The following TNNI3K variants were observed in gnomAD, a reference collection of about 807,000 sequenced individuals.
TNNI3K encodes the protein TNNI3 interacting kinase.
Under a neutral mutation model 114.5 loss-of-function variants are expected in TNNI3K, and 140 were observed. The observed-to-expected ratio is 1.22, with a 90% CI of 1.07 to 1.41. The LOEUF (loss-of-function observed/expected upper bound fraction) is 1.41. Among genes scored for constraint, TNNI3K ranks in the 40% most tolerant of loss-of-function variants. TNNI3K has a pLI of 0.00. For missense variants in TNNI3K, 1,125 were observed against 1,007.6 expected (o/e 1.12, Z -1.58); for synonymous variants, 347 against 347.5 (o/e 1.00, Z 0.02).
At chr1:74,465,697 A>G (rs749249656) in intron 21 of TNNI3K, among the ~76,000 whole-genome samples, 36 of 152,218 alleles carry the variant, frequency 2.4e-4, no homozygotes, top group Non-Finnish European at 3.7e-4. Context: ...CCAGGTATCC[A>G]CTAGGCAAAG....
chr1:74,273,577 C>A (rs937207123), intron 5 of TNNI3K, among the ~76,000 whole-genome samples: 10 of 151,860 alleles, frequency 6.6e-5, no homozygotes, highest in Non-Finnish European at 1.2e-4. Context: ...GCTTCTAAAG[C>A]AAAGTGGTTA....
In TNNI3K at chr1:74,335,850, TG is replaced by T. The variant is rs140326891; in HGVS notation, c.544-160del. On this transcript the variant is annotated intron_variant, in intron 6 of 24. Transcript: ENST00000326637. ...GAAAGAACTTGAGTTATTAAGCTGT[TG>T]TATTAATCAACCCTAGAATTGTTCC... is the stretch of plus-strand genomic sequence containing the variant. Among the ~76,000 whole-genome samples the T allele has an allele frequency of 6.3e-3, 958 of 152,300 alleles. 11 individuals are homozygous for T. The highest frequency in any genetic ancestry group is 0.022 in the African/African-American group (917 of 41,566).
chr1:74,237,105 T>A (rs1653902687), intron 2 of TNNI3K, among the ~76,000 whole-genome samples: 3 of 151,908 alleles, frequency 2.0e-5, no homozygotes, highest in Admixed American at 2.0e-4. Flanking sequence ...GCAAATAAAA[T>A]CACCCATGTA....
intron 21 of TNNI3K, among the ~76,000 whole-genome samples, chr1:74,483,941 T>C (rs1011861255): frequency 1.3e-5 from 2 of 152,200 alleles, no homozygotes; most frequent in African/African-American, 4.8e-5. Context: ...AAGCTCTACT[T>C]AGCTTTGAAT....
At chr1:74,518,697 A>G (rs1646384001) in intron 23 of TNNI3K, among the ~76,000 whole-genome samples, 1 of 152,072 alleles carries the variant, frequency 6.6e-6, no homozygotes, top group Non-Finnish European at 1.5e-5. Context: ...TTTAAGCTCA[A>G]AATTATTATA....
intron 9 of TNNI3K, among the ~76,000 whole-genome samples, chr1:74,348,673 C>T (rs4546877): frequency 1 from 151,659 of 152,288 alleles, 75,520 homozygotes; most frequent in Middle Eastern, 1. Flanking sequence ...TTTTATTTTA[C>T]TGAGCAGTGG....
intron 22 of TNNI3K, among the ~76,000 whole-genome samples, chr1:74,491,797 T>C (rs982867046): frequency 6.6e-6 from 1 of 152,224 alleles, no homozygotes; most frequent in Non-Finnish European, 1.5e-5. Context: ...CTTTTGATCA[T>C]TGAATAATAA....
At chr1:74,466,932 T>C (rs1021673946) in intron 21 of TNNI3K, among the ~76,000 whole-genome samples, 1 of 152,166 alleles carries the variant, frequency 6.6e-6, no homozygotes, top group African/African-American at 2.4e-5. Flanking sequence ...ATTGATTGAA[T>C]AAACATTTTA....
intron 5 of TNNI3K, among the ~76,000 whole-genome samples, chr1:74,314,847 T>A (rs916624543): frequency 2.6e-5 from 4 of 152,192 alleles, no homozygotes; most frequent in Admixed American, 2.6e-4. Flanking sequence ...AACTATAGTT[T>A]ACATTTTGCT....
chr1:74,461,641 C>T lies in TNNI3K; in HGVS notation c.2012-1800C>T, dbSNP rs1445171527. 3.3e-5 allele frequency among the ~76,000 whole-genome samples: 5 copies of T among 152,068 alleles called. No homozygotes were observed. In the South Asian group the frequency reaches 6.2e-4, roughly 19 times the overall value. On this transcript the variant is annotated intron_variant, in intron 20 of 24. Transcript: ENST00000326637. ...CTATATTTACCTCTGAAATTAGTAACATGTTTTATAAAATGAGAAAACCTA... is the reference window on the plus strand; with the variant it reads ...CTATATTTACCTCTGAAATTAGTAATATGTTTTATAAAATGAGAAAACCTA...
chr1:74,430,234 A>G (rs973898576), intron 17 of TNNI3K, among the ~76,000 whole-genome samples: 3 of 152,074 alleles, frequency 2.0e-5, no homozygotes, highest in African/African-American at 4.8e-5. Flanking sequence ...ACTACAGTGC[A>G]TAACCAACTG....
At chr1:74,307,431 G>C (rs1658710849) in intron 5 of TNNI3K, among the ~76,000 whole-genome samples, 1 of 152,128 alleles carries the variant, frequency 6.6e-6, no homozygotes, top group Admixed American at 6.5e-5. Flanking sequence ...AAAGTAACAG[G>C]ATGGAGAAAG....
chr1:74,251,226 A>G (rs1654906952), intron 4 of TNNI3K, among the ~76,000 whole-genome samples: 1 of 152,076 alleles, frequency 6.6e-6, no homozygotes, highest in Non-Finnish European at 1.5e-5. Context: ...TTAGCTGTTT[A>G]TTTTCTTATA....
intron 23 of TNNI3K, among the ~76,000 whole-genome samples, chr1:74,508,101 A>G (rs1182061922): frequency 6.6e-6 from 1 of 152,246 alleles, no homozygotes; most frequent in African/African-American, 2.4e-5. Flanking sequence ...CATTACTAAG[A>G]AAAAGGAGAG....
intron 5 of TNNI3K, among the ~76,000 whole-genome samples, chr1:74,313,127 CTT>C (rs1378224295): frequency 2.0e-5 from 3 of 152,180 alleles, no homozygotes; most frequent in Non-Finnish European, 4.4e-5. Flanking sequence ...TCCTTTACCT[CTT>C]TCCTGGATAG....
intron 5 of TNNI3K, among the ~76,000 whole-genome samples, chr1:74,327,037 C>T (rs939543587): frequency 1.2e-4 from 18 of 149,088 alleles, no homozygotes; most frequent in African/African-American, 3.0e-4. Context: ...GCCGAGATTG[C>T]GCCACTGCAC....
chr1:74,442,815 C>G (rs1424764628), intron 20 of TNNI3K, among the ~76,000 whole-genome samples: 1 of 151,940 alleles, frequency 6.6e-6, no homozygotes, highest in East Asian at 1.9e-4. Context: ...CAAACAGTCT[C>G]TATGGCCACG....
intron 5 of TNNI3K, among the ~76,000 whole-genome samples, chr1:74,305,515 T>C (rs1476277580): frequency 6.6e-6 from 1 of 152,214 alleles, no homozygotes; most frequent in African/African-American, 2.4e-5. Context: ...TGTGCTCTTA[T>C]ACTTGCAAAG....
intron 17 of TNNI3K, among the ~76,000 whole-genome samples, chr1:74,425,642 G>A (rs1032112427): frequency 1.3e-5 from 2 of 152,036 alleles, no homozygotes; most frequent in African/African-American, 4.8e-5. Context: ...TCTTGCTTCG[G>A]TGGAGCTTCT....
Sources: allele counts gnomAD v4.1 joint callset (sites outside exome capture counted in the v4.1 genomes callset), GRCh38; gene constraint gnomAD v4.1.1; transcripts MANE v1.5; gene names NCBI Gene and HGNC (gene_info 2026-07-23, HGNC 2026-07-21).